CTIF: variants seen among roughly 807,000 people sequenced by gnomAD.
CTIF encodes CBP80/20-dependent translation initiation factor.
CTIF carries 21 observed loss-of-function variants against 66.0 expected under a neutral mutation model. The observed-to-expected ratio is 0.32, with a 90% confidence interval of 0.23 to 0.46. CTIF has a LOEUF of 0.46. CTIF is among the 20% of genes least tolerant of loss of function. The pLI is 1.00. For missense variants in CTIF, 739 were observed against 812.7 expected (o/e 0.91, Z 1.10); for synonymous variants, 345 against 326.4 (o/e 1.06, Z -0.62).
intron 6 of CTIF, among the ~76,000 whole-genome samples, chr18:48,685,468 C>T (rs1185419819): frequency 6.6e-6 from 1 of 152,064 alleles, no homozygotes; most frequent in Non-Finnish European, 1.5e-5. Flanking sequence ...GATGATCCGC[C>T]TGCCTCGACC....
At chr18:48,560,145 C>G (rs1292634081) in intron 1 of CTIF, among the ~76,000 whole-genome samples, 2 of 152,000 alleles carry the variant, frequency 1.3e-5, no homozygotes, top group African/African-American at 2.4e-5. Flanking sequence ...ACTGGTCAAG[C>G]AGTCACAGAG....
At chr18:48,814,607 AC>A (rs1257414268) in intron 9 of CTIF, among the ~76,000 whole-genome samples, 1 of 152,246 alleles carries the variant, frequency 6.6e-6, no homozygotes, top group East Asian at 1.9e-4. Context: ...TGTGGGATAA[AC>A]AAAGGTTCAT....
chr18:48,664,324 C>G, intron 4 of CTIF, 123 bp from the exon 5 acceptor site: 3 of 816,792 alleles, frequency 3.7e-6, no homozygotes, highest in Non-Finnish European at 6.1e-6. Context: ...GGGCTCCCCG[C>G]CTGGCCCCTG....
At chr18:48,818,222 A>C (rs2068410122) in intron 10 of CTIF, among the ~76,000 whole-genome samples, 1 of 152,166 alleles carries the variant, frequency 6.6e-6, no homozygotes, top group Non-Finnish European at 1.5e-5. Context: ...CTGGAAGCCG[A>C]GTGGGGCTGC....
chr18:48,831,438 G>C (rs1207616806), intron 10 of CTIF, among the ~76,000 whole-genome samples: 1 of 152,246 alleles, frequency 6.6e-6, no homozygotes, highest in African/African-American at 2.4e-5. Context: ...TTGTTGTGGG[G>C]GCCTGGGCAC....
At chr18:48,660,531 A>T (rs1182439266) in intron 3 of CTIF, among the ~76,000 whole-genome samples, 1 of 152,174 alleles carries the variant, frequency 6.6e-6, no homozygotes. Context: ...TGACCCCAAG[A>T]ATCTGGAAGT....
chr18:48,563,503 A>G (rs1599147740), intron 1 of CTIF, among the ~76,000 whole-genome samples: 1 of 151,292 alleles, frequency 6.6e-6, no homozygotes, highest in East Asian at 1.9e-4. Flanking sequence ...ACAGATTCTT[A>G]CTCTGTCACC....
Position 48,860,555 on chromosome 18 carries a change from G to T in CTIF, c.*996G>T, listed in dbSNP as rs2069442705. On this transcript the variant is annotated 3_prime_UTR_variant, in exon 12 of 12. Coordinates refer to ENST00000256413, the MANE Select transcript of CTIF (RefSeq NM_014772.3). ...TCACCACTGGGACCAAGTTAAACCT[G>T]GTCCTGGCCCCAGGGGCCTTGTGGC... 6.5e-6 allele frequency: 1 copy of T among 153,100 alleles called. No individual in the cohort carries two copies. The highest frequency in any genetic ancestry group is 6.5e-5 in the Admixed American group (1 of 15,414). The allele number at this position is 153,100 out of a possible 1,614,324, so 9.5% of individuals were successfully genotyped here.
At chr18:48,833,277 C>G (rs939957296) in intron 10 of CTIF, among the ~76,000 whole-genome samples, 9 of 152,308 alleles carry the variant, frequency 5.9e-5, no homozygotes, top group African/African-American at 2.2e-4. Context: ...TTGGCTAACG[C>G]TGCAGGCGGG....
At position 48,812,553 on chromosome 18, in the gene CTIF, G is replaced by GA. The variant is rs1318448958; in HGVS notation, c.1372-4664dup. ...TTTCTTTTTCTGCGAAACTAAAAAA[G>GA]AAAATTCAGCGGGGGCAACGTAGAC... is the stretch of plus-strand genomic sequence containing the variant. On this transcript the variant is annotated intron_variant, in intron 9 of 11. Transcript: ENST00000256413. Among the ~76,000 whole-genome samples the GA allele has an allele frequency of 2.6e-5, 4 of 152,120 alleles. No homozygotes were observed. The South Asian group carries it at 8.3e-4, about 32-fold the overall frequency.
At chr18:48,678,373 G>A (rs2091674748) in intron 6 of CTIF, among the ~76,000 whole-genome samples, 1 of 152,088 alleles carries the variant, frequency 6.6e-6, no homozygotes, top group Admixed American at 6.5e-5. Context: ...CATCAAGGAG[G>A]GGGTCTTACA....
intron 10 of CTIF, among the ~76,000 whole-genome samples, chr18:48,825,882 C>G (rs958367320): frequency 1.3e-5 from 2 of 152,186 alleles, no homozygotes; most frequent in East Asian, 3.8e-4. Flanking sequence ...GGGGTTTGCT[C>G]GGCAGGGATA....
chr18:48,803,594 T>G (rs2068087860), intron 9 of CTIF, among the ~76,000 whole-genome samples: 1 of 152,176 alleles, frequency 6.6e-6, no homozygotes, highest in Non-Finnish European at 1.5e-5. Flanking sequence ...TTTCTGCGTG[T>G]GGTCCAGGGA....
At chr18:48,650,430 A>G (rs1223132469) in intron 3 of CTIF, among the ~76,000 whole-genome samples, 2 of 152,170 alleles carry the variant, frequency 1.3e-5, no homozygotes, top group African/African-American at 2.4e-5. Flanking sequence ...GTTTAGAGAA[A>G]AAAGAATAAA....
intron 11 of CTIF, among the ~76,000 whole-genome samples, chr18:48,858,208 G>A (rs1184711445): frequency 6.6e-6 from 1 of 152,268 alleles, no homozygotes; most frequent in African/African-American, 2.4e-5. Flanking sequence ...CAGGAGAGGG[G>A]CTTCCAGACG....
rs181102125 is a variant in CTIF, at chr18:48,817,754, G to A, written c.1527+378G>A. Reference sequence around the variant, plus strand: ...TCGCACACTGCACTCCAGCCTGGGCGACAGAGCGAGACTCGGTCTCCAAAA... The same window carrying A: ...TCGCACACTGCACTCCAGCCTGGGCAACAGAGCGAGACTCGGTCTCCAAAA... On this transcript the variant is annotated intron_variant, in intron 10 of 11. Coordinates refer to ENST00000256413, the MANE Select transcript of CTIF (RefSeq NM_014772.3). Among the ~76,000 whole-genome samples the A allele has an allele frequency of 1.6e-3, 235 of 149,208 alleles. 1 individual carries two copies. Among genetic ancestry groups the A allele is most frequent in the African/African-American group, 5.7e-3 (227 of 39,938 alleles).
intron 1 of CTIF, among the ~76,000 whole-genome samples, chr18:48,550,902 C>T (rs1180589589): frequency 6.6e-6 from 1 of 152,124 alleles, no homozygotes; most frequent in Non-Finnish European, 1.5e-5. Context: ...CAAACCAGTT[C>T]CGTGTGGCAC....
At chr18:48,579,581 T>TC (rs1273265339) in intron 1 of CTIF, among the ~76,000 whole-genome samples, 1 of 151,990 alleles carries the variant, frequency 6.6e-6, no homozygotes, top group Non-Finnish European at 1.5e-5. Flanking sequence ...CTCCTTTTCT[T>TC]CCCCCCAAGC....
chr18:48,790,307 A>G lies in CTIF; in HGVS notation c.1372-26914A>G, dbSNP rs1599047511. On this transcript the variant is annotated intron_variant, in intron 9 of 11. Coordinates refer to ENST00000256413, the MANE Select transcript of CTIF (RefSeq NM_014772.3). ...TCACTTGGCTGAAGGTTAAATACAGAGGAAGTGTCCAACAGGCAGGGAGTG... is the reference window on the plus strand; with the variant it reads ...TCACTTGGCTGAAGGTTAAATACAGGGGAAGTGTCCAACAGGCAGGGAGTG... Among the ~76,000 whole-genome samples, 4 of 152,360 alleles carry G rather than the reference A, an allele frequency of 2.6e-5. 1 individual carries two copies. Among genetic ancestry groups the G allele is most frequent in the Non-Finnish European group, 5.9e-5 (4 of 68,032 alleles).
Sources: allele counts gnomAD v4.1 joint callset (sites outside exome capture counted in the v4.1 genomes callset), GRCh38; gene constraint gnomAD v4.1.1; transcripts MANE v1.5; gene names NCBI Gene and HGNC (gene_info 2026-07-23, HGNC 2026-07-21).